Variants in LYRM4 observed in about 807,000 individuals in gnomAD.
LYRM4 encodes the protein LYR motif-containing protein 4.
In LYRM4, 9 loss-of-function variants were observed where a neutral mutation model predicts 11.7. The ratio of observed to expected loss-of-function variants is 0.77; its 90% CI spans 0.46 to 1.34. LYRM4 has a LOEUF of 1.34. LYRM4 is among the 40% of genes most tolerant of loss of function. The probability of loss-of-function intolerance (pLI) is 0.00; values close to 1 mark genes in which losing one functional copy is unlikely to be tolerated. For missense variants in LYRM4, 133 were observed against 112.5 expected, an observed-to-expected ratio of 1.18 and a Z score of -0.82; for synonymous variants, 42 against 40.4, an observed-to-expected ratio of 1.04 and a Z score of -0.15.
At chr6:5,181,234 T>C (rs1452109490) in intron 2 of LYRM4, among the ~76,000 whole-genome samples, 1 of 152,226 alleles carries the variant, frequency 6.6e-6, no homozygotes, top group East Asian at 1.9e-4. Context: ...TGTGAGCTTC[T>C]CCAACTTCTT....
the LYRM4 span, among the ~76,000 whole-genome samples, chr6:5,068,610 G>C: frequency 6.6e-6 from 1 of 152,138 alleles, no homozygotes; most frequent in Non-Finnish European, 1.5e-5. The surrounding 1 kb of genome is among the most constrained non-coding windows in gnomAD (Gnocchi z 4.0). Flanking sequence ...GGCCCACTGC[G>C]TGCTGTCTCT....
At chr6:5,148,697 T>C (rs113741644) in intron 2 of LYRM4, among the ~76,000 whole-genome samples, 3,139 of 152,128 alleles carry the variant, frequency 0.021, 39 homozygotes, top group Middle Eastern at 0.079. Context: ...TTATAGTGAC[T>C]GAGAAATCAG....
chr6:5,215,442 C>T, intron 2 of LYRM4, among the ~76,000 whole-genome samples: 1 of 152,212 alleles, frequency 6.6e-6, no homozygotes, highest in East Asian at 1.9e-4. Flanking sequence ...TTACTATCCT[C>T]ATGGCTTTAG....
intron 2 of LYRM4, among the ~76,000 whole-genome samples, chr6:5,189,397 T>G (rs545217190): frequency 2.6e-5 from 4 of 151,616 alleles, no homozygotes; most frequent in South Asian, 2.1e-4. Flanking sequence ...GGTTAGTGCT[T>G]AGCCTAAGGT....
intron 2 of LYRM4, among the ~76,000 whole-genome samples, chr6:5,169,073 C>T (rs986642274): frequency 1.3e-5 from 2 of 152,014 alleles, no homozygotes; most frequent in African/African-American, 4.8e-5. Context: ...GACAAATGTG[C>T]ATTTGGCTTG....
chr6:5,169,103 C>CA (rs1453785519), intron 2 of LYRM4, among the ~76,000 whole-genome samples: 1 of 151,362 alleles, frequency 6.6e-6, no homozygotes, highest in African/African-American at 2.4e-5. Flanking sequence ...TCATTTTTAA[C>CA]TTTTTTTTTG....
intron 2 of LYRM4, among the ~76,000 whole-genome samples, chr6:5,128,612 T>C (rs1365534722): frequency 6.6e-6 from 1 of 152,202 alleles, no homozygotes; most frequent in Non-Finnish European, 1.5e-5. Flanking sequence ...CACAAATACG[T>C]GCATTTGGAG....
chr6:5,122,246 G>A (rs1387530449), intron 2 of LYRM4, among the ~76,000 whole-genome samples: 1 of 152,024 alleles, frequency 6.6e-6, no homozygotes, highest in East Asian at 1.9e-4. Context: ...TTGGTTGGAC[G>A]GTACAGAGAA....
chr6:5,145,058 G>A (rs2127630416), intron 2 of LYRM4, among the ~76,000 whole-genome samples: 1 of 152,322 alleles, frequency 6.6e-6, no homozygotes, highest in African/African-American at 2.4e-5. Context: ...CTCCAGGCCT[G>A]GCGCTGGAAG....
At chr6:5,130,483 T>A (rs1003968803) in intron 2 of LYRM4, among the ~76,000 whole-genome samples, 1 of 152,228 alleles carries the variant, frequency 6.6e-6, no homozygotes, top group African/African-American at 2.4e-5. Context: ...CACTCACGTT[T>A]ACCACCTGCA....
chr6:5,057,252 C>G, the LYRM4 span, among the ~76,000 whole-genome samples: 58 of 152,282 alleles, frequency 3.8e-4, no homozygotes, highest in South Asian at 0.011. Flanking sequence ...GTCTGCTCTC[C>G]TAGCCTGCTG....
At chr6:5,145,228 T>C (rs1343554940) in intron 2 of LYRM4, among the ~76,000 whole-genome samples, 2 of 152,156 alleles carry the variant, frequency 1.3e-5, no homozygotes, top group Non-Finnish European at 2.9e-5. Flanking sequence ...CTTTCTCCCA[T>C]TTGCTCCCCA....
chr6:5,238,868 C>T (rs776445047), intron 1 of LYRM4, among the ~76,000 whole-genome samples: 3 of 152,048 alleles, frequency 2.0e-5, no homozygotes, highest in African/African-American at 4.8e-5. Context: ...ATTCATAGTC[C>T]GAGACTATTA....
In LYRM4 at chr6:5,240,696, T is replaced by C. The variant is rs1339080042; in HGVS notation, c.86+19952A>G. 5 of 152,236 alleles carry C rather than the reference T, an allele frequency of 3.3e-5. No homozygotes were observed. The East Asian group carries it at 9.6e-4, about 29-fold the overall frequency. 9.4% of individuals were successfully genotyped at this position (152,236 alleles called of 1,614,324 possible). Reference sequence around the variant, plus strand: ...GTATCCAATGTAGGTCCCAGCTTTGTGAGCATGGCCAGGGAAAGAAAGGAC... The same window carrying C: ...GTATCCAATGTAGGTCCCAGCTTTGCGAGCATGGCCAGGGAAAGAAAGGAC... On this transcript the variant is annotated intron_variant, in intron 1 of 2. Transcript: ENST00000330636.
intron 2 of LYRM4, among the ~76,000 whole-genome samples, chr6:5,184,069 A>C (rs1760236304): frequency 6.6e-6 from 1 of 152,236 alleles, no homozygotes; most frequent in Non-Finnish European, 1.5e-5. Flanking sequence ...GTAAGAACCA[A>C]AAGTCATACT....
intron 1 of LYRM4, among the ~76,000 whole-genome samples, chr6:5,219,869 T>G (rs1342778645): frequency 6.6e-6 from 1 of 152,208 alleles, no homozygotes; most frequent in Non-Finnish European, 1.5e-5. Flanking sequence ...ATGATCCTAA[T>G]GAGTCAGACG....
intron 2 of LYRM4, among the ~76,000 whole-genome samples, chr6:5,121,934 C>G (rs1182362201): frequency 6.6e-6 from 1 of 152,216 alleles, no homozygotes; most frequent in East Asian, 1.9e-4. Flanking sequence ...ATGGTGTGTT[C>G]ACCACCTGCT....
At chr6:5,085,061 C>G in the LYRM4 span, 5 of 187,970 alleles carry the variant, frequency 2.7e-5, no homozygotes, top group African/African-American at 4.7e-5. Flanking sequence ...TCGAGGCACT[C>G]AAGAAGCGGA....
At chr6:5,076,221 C>T in the LYRM4 span, among the ~76,000 whole-genome samples, 12 of 152,202 alleles carry the variant, frequency 7.9e-5, no homozygotes, top group East Asian at 2.3e-3. Context: ...GTTGAGATTA[C>T]AGGTGTGAGC....
Sources: allele counts gnomAD v4.1 joint callset (sites outside exome capture counted in the v4.1 genomes callset), GRCh38; gene constraint gnomAD v4.1.1; non-coding constraint Gnocchi (gnomAD v3.1); transcripts MANE v1.5; gene names NCBI Gene and HGNC (gene_info 2026-07-23, HGNC 2026-07-21).